The following XPOT variants were observed in gnomAD, a reference collection of about 807,000 sequenced individuals.
The protein encoded by XPOT is exportin for tRNA, also known as exportin-T.
Under a neutral mutation model 128.2 loss-of-function variants are expected in XPOT, and 34 were observed. That is an observed-to-expected ratio of 0.27 (90% CI 0.20 to 0.35). The LOEUF (loss-of-function observed/expected upper bound fraction) is 0.35. Among genes scored for constraint, XPOT ranks in the 10% least tolerant of loss-of-function variants. The probability of loss-of-function intolerance (pLI) is 1.00; values close to 1 mark genes in which losing one functional copy is unlikely to be tolerated. For missense variants in XPOT, 838 were observed against 1,125.3 expected (o/e 0.74, Z 3.65); for synonymous variants, 348 against 394.3 (o/e 0.88, Z 1.39).
At chr12:64,445,733 C>G (rs1190833113) in intron 24 of XPOT, among the ~76,000 whole-genome samples, 1 of 152,158 alleles carries the variant, frequency 6.6e-6, no homozygotes, top group Admixed American at 6.5e-5. Flanking sequence ...GCAAATACAA[C>G]TATGAGTAAT....
intron 22 of XPOT, among the ~76,000 whole-genome samples, chr12:64,438,003 A>G (rs1198352901): frequency 2.0e-5 from 3 of 152,142 alleles, no homozygotes; most frequent in Admixed American, 1.3e-4. Context: ...AAACAAAATG[A>G]AAAAGCAGAA....
At chr12:64,425,305 A>G (rs2040181010) in intron 13 of XPOT, 33 bp from the exon 14 acceptor site, 3 of 1,610,806 alleles carry the variant, frequency 1.9e-6, no homozygotes, top group African/African-American at 1.3e-5. Context: ...TGCAATAAAT[A>G]AGAAGAGGTT....
chr12:64,437,309 T>C (rs1051387186), intron 22 of XPOT, among the ~76,000 whole-genome samples: 3 of 152,190 alleles, frequency 2.0e-5, no homozygotes, highest in Non-Finnish European at 4.4e-5. Flanking sequence ...TTAAGTACTT[T>C]AGTGGAGATA....
chr12:64,425,808 T>C lies in XPOT; in HGVS notation c.1573-7T>C. 1.2e-6 allele frequency: 2 copies of C among 1,613,384 alleles called. No individual in the cohort carries two copies. Among genetic ancestry groups the C allele is most frequent in the Non-Finnish European group, 1.7e-6 (2 of 1,179,640 alleles). Reference sequence around the variant, plus strand: ...TGCAGAAATAGTAAAAGTGTCTCCTTCTTTAGATGGCTTTCTTAGATCACA... The same window carrying C: ...TGCAGAAATAGTAAAAGTGTCTCCTCCTTTAGATGGCTTTCTTAGATCACA... On this transcript the variant is annotated splice_polypyrimidine_tract_variant and splice_region_variant and intron_variant, in intron 14 of 24. Coordinates refer to ENST00000332707, the MANE Select transcript of XPOT (RefSeq NM_007235.6).
chr12:64,429,166 G>A (rs1188604084), intron 16 of XPOT, among the ~76,000 whole-genome samples: 1 of 152,224 alleles, frequency 6.6e-6, no homozygotes, highest in Non-Finnish European at 1.5e-5. Context: ...TTAATGCTGT[G>A]TGTAATGTAC....
At chr12:64,433,384 A>G (rs898265523) in intron 18 of XPOT, 30 bp from the exon 19 acceptor site, 3 of 1,497,442 alleles carry the variant, frequency 2.0e-6, no homozygotes, top group Non-Finnish European at 8.9e-7. Context: ...ATTGTTACTA[A>G]TTTCTGAAGT....
intron 1 of XPOT, among the ~76,000 whole-genome samples, chr12:64,406,656 G>A (rs779465477): frequency 1.3e-5 from 2 of 152,148 alleles, no homozygotes; most frequent in African/African-American, 2.4e-5. Context: ...GATTATAGGC[G>A]TGAGCCACCC....
rs937837936 is a variant in XPOT at position 64,409,976 on chromosome 12, T to C, written c.-60T>C. The C allele has an allele frequency of 1.4e-6, 2 of 1,414,682 alleles. No homozygotes were observed. The highest frequency in any genetic ancestry group is 1.8e-5 in the Admixed American group (1 of 56,746). 87.6% of individuals were successfully genotyped at this position (1,414,682 alleles called of 1,614,324 possible). A position where few individuals can be genotyped will look rare whatever the true frequency, so the allele number is the denominator to read the frequency against. Reference sequence around the variant, plus strand: ...TTTTGTGGCAGATGTTTATAAATTCTTCTGTGGGATCAGAGGGCACGCCTA... The same window carrying C: ...TTTTGTGGCAGATGTTTATAAATTCCTCTGTGGGATCAGAGGGCACGCCTA... On this transcript the variant is annotated 5_prime_UTR_variant, in exon 2 of 25. Transcript: ENST00000332707.
At chr12:64,440,668 G>C (rs576380825) in intron 23 of XPOT, among the ~76,000 whole-genome samples, 1 of 152,226 alleles carries the variant, frequency 6.6e-6, no homozygotes, top group Non-Finnish European at 1.5e-5. Flanking sequence ...CAGGTGTGAG[G>C]TGATATCTCA....
intron 1 of XPOT, among the ~76,000 whole-genome samples, chr12:64,407,145 A>G (rs766583637): frequency 1.1e-4 from 16 of 152,138 alleles, no homozygotes; most frequent in Non-Finnish European, 2.1e-4. Context: ...ATGCTCTACT[A>G]TGTCCTAGGG....
At chr12:64,422,051 C>A (rs1730215304) in intron 9 of XPOT, among the ~76,000 whole-genome samples, 2 of 152,212 alleles carry the variant, frequency 1.3e-5, no homozygotes, top group Admixed American at 1.3e-4. Context: ...CTCAGGTGAT[C>A]TGCCCACCAC....
At chr12:64,416,152 T>TC (rs1459919644) in intron 3 of XPOT, among the ~76,000 whole-genome samples, 3 of 152,238 alleles carry the variant, frequency 2.0e-5, no homozygotes, top group Non-Finnish European at 4.4e-5. Flanking sequence ...TGCCCCCATC[T>TC]TGTATAAGCA....
intron 1 of XPOT, among the ~76,000 whole-genome samples, chr12:64,407,877 C>G (rs1011730362): frequency 3.3e-5 from 5 of 152,184 alleles, no homozygotes; most frequent in Admixed American, 2.6e-4. Context: ...GCTGAGCTGT[C>G]TTCAAAGCTC....
chr12:64,448,047 C>T (rs764704962), intron 24 of XPOT, 58 bp from the exon 25 acceptor site: 49 of 1,486,282 alleles, frequency 3.3e-5, no homozygotes, highest in Non-Finnish European at 4.1e-5. Context: ...AGCCATTCTT[C>T]AGGTGAAAGT....
intron 2 of XPOT, among the ~76,000 whole-genome samples, chr12:64,412,888 C>T (rs186408988): frequency 6.6e-6 from 1 of 152,260 alleles, no homozygotes; most frequent in Non-Finnish European, 1.5e-5. Flanking sequence ...CATGAGCAGC[C>T]ACATGGAAGC....
chr12:64,413,721 A>G (rs948651363), intron 2 of XPOT, among the ~76,000 whole-genome samples: 1 of 152,174 alleles, frequency 6.6e-6, no homozygotes, highest in Non-Finnish European at 1.5e-5. Context: ...AACCCAAAGA[A>G]AAAAATAACT....
At chr12:64,409,602 G>C (rs2040017834) in intron 1 of XPOT, 1 of 156,828 alleles carries the variant, frequency 6.4e-6, no homozygotes, top group Admixed American at 6.4e-5. Flanking sequence ...CAGCGCGGTG[G>C]CGGGCGCCTG....
At chr12:64,420,006 T>C in intron 6 of XPOT, 64 bp from the exon 7 acceptor site, 1 of 1,432,164 alleles carries the variant, frequency 7.0e-7, no homozygotes, top group Non-Finnish European at 9.4e-7. Context: ...TCTGCAAGTA[T>C]ATTCAGATAT....
chr12:64,418,812 AACTGGTGTTTCTGG>A lies in XPOT; in HGVS notation c.271-63_271-50del. On this transcript the variant is annotated intron_variant, in intron 5 of 24. Coordinates refer to ENST00000332707, the MANE Select transcript of XPOT (RefSeq NM_007235.6). ...ATGAAACTTTGCCTTTTAATAAGACAACTGGTGTTTCTGGGTCTTTTCAATTTACATTTAATTTT... is the reference window on the plus strand; with the variant it reads ...ATGAAACTTTGCCTTTTAATAAGACAGTCTTTTCAATTTACATTTAATTTT... 2.7e-6 allele frequency: 4 copies of A among 1,491,032 alleles called. No individual in the cohort carries two copies. The South Asian group carries it at 4.8e-5, about 18-fold the overall frequency. 92.4% of individuals were successfully genotyped at this position (1,491,032 alleles called of 1,614,324 possible). A position where few individuals can be genotyped will look rare whatever the true frequency, so the allele number is the denominator to read the frequency against.
Sources: allele counts gnomAD v4.1 joint callset (sites outside exome capture counted in the v4.1 genomes callset), GRCh38; gene constraint gnomAD v4.1.1; transcripts MANE v1.5; gene names NCBI Gene and HGNC (gene_info 2026-07-23, HGNC 2026-07-21).